The following CTNNA3 variants were observed in gnomAD, a reference collection of about 807,000 sequenced individuals.
CTNNA3 encodes catenin alpha-3.
Under a neutral mutation model 95.7 loss-of-function variants are expected in CTNNA3, and 76 were observed. The ratio of observed to expected loss-of-function variants is 0.79; its 90% confidence interval spans 0.66 to 0.96. CTNNA3 has a LOEUF of 0.96. CTNNA3 is among the 40% of genes least tolerant of loss of function. CTNNA3 has a pLI of 0.00. For missense variants in CTNNA3, 1,191 were observed against 1,089.8 expected (o/e 1.09, Z -1.31); for synonymous variants, 431 against 374.4 (o/e 1.15, Z -1.74).
At chr10:66,316,381 C>G (rs927399680) in intron 12 of CTNNA3, among the ~76,000 whole-genome samples, 1 of 152,046 alleles carries the variant, frequency 6.6e-6, no homozygotes, top group Non-Finnish European at 1.5e-5. Context: ...TTATTGTCTA[C>G]TTTATGAACT....
chr10:67,411,304 T>C (rs1845359040), intron 5 of CTNNA3, among the ~76,000 whole-genome samples: 1 of 152,136 alleles, frequency 6.6e-6, no homozygotes, highest in South Asian at 2.1e-4. Context: ...CATCATGTTG[T>C]ATGCCATAAA....
chr10:67,726,918 G>T (rs1446936459), intron 1 of CTNNA3, among the ~76,000 whole-genome samples: 1 of 108,256 alleles, frequency 9.2e-6, no homozygotes, highest in Non-Finnish European at 1.7e-5. Flanking sequence ...ATATACATAT[G>T]ATATAAATTA....
At chr10:66,471,655 A>C (rs955780195) in intron 11 of CTNNA3, among the ~76,000 whole-genome samples, 1 of 151,912 alleles carries the variant, frequency 6.6e-6, no homozygotes, top group Non-Finnish European at 1.5e-5. Context: ...AATTTAATTA[A>C]CAACATATGC....
At chr10:66,868,058 T>G (rs1202416591) in intron 7 of CTNNA3, among the ~76,000 whole-genome samples, 1 of 149,248 alleles carries the variant, frequency 6.7e-6, no homozygotes, top group Non-Finnish European at 1.5e-5. Flanking sequence ...TAATGATTGC[T>G]ATATAAAACT....
At chr10:67,074,769 A>G (rs1330231390) in intron 7 of CTNNA3, among the ~76,000 whole-genome samples, 1 of 152,224 alleles carries the variant, frequency 6.6e-6, no homozygotes, top group Non-Finnish European at 1.5e-5. Context: ...AGACATGTAT[A>G]TAAAACCACA....
At chr10:66,555,299 T>C (rs1219225403) in intron 10 of CTNNA3, among the ~76,000 whole-genome samples, 1 of 152,134 alleles carries the variant, frequency 6.6e-6, no homozygotes. Context: ...AAAAGTTCTG[T>C]TCATCCTCTC....
intron 12 of CTNNA3, among the ~76,000 whole-genome samples, chr10:66,376,678 T>C (rs2092798822): frequency 6.6e-6 from 1 of 152,162 alleles, no homozygotes; most frequent in African/African-American, 2.4e-5. Context: ...AACAATTCAC[T>C]ATAGCTCCTC....
chr10:67,387,446 CTG>C (rs1315617996), intron 5 of CTNNA3, among the ~76,000 whole-genome samples: 18 of 152,130 alleles, frequency 1.2e-4, no homozygotes, highest in African/African-American at 3.9e-4. Context: ...GCACGGCAGT[CTG>C]AGATCAAACT....
intron 5 of CTNNA3, among the ~76,000 whole-genome samples, chr10:67,486,526 A>G (rs1848454869): frequency 1.3e-5 from 2 of 152,014 alleles, no homozygotes; most frequent in South Asian, 4.2e-4. Flanking sequence ...CTTCCCTACC[A>G]TACTTTGGTA....
intron 5 of CTNNA3, among the ~76,000 whole-genome samples, chr10:67,245,904 G>C (rs543165090): frequency 1.5e-4 from 22 of 149,746 alleles, no homozygotes; most frequent in African/African-American, 5.1e-4. Context: ...CAACAGGGAA[G>C]ACAGATAAAG....
chr10:66,397,411 C>T (rs2132548309), intron 11 of CTNNA3, among the ~76,000 whole-genome samples: 1 of 151,768 alleles, frequency 6.6e-6, no homozygotes, highest in East Asian at 1.9e-4. Context: ...CTTAGTTCTT[C>T]CAGTATTGTT....
At chr10:67,359,389 T>C (rs542710088) in intron 5 of CTNNA3, among the ~76,000 whole-genome samples, 10 of 152,062 alleles carry the variant, frequency 6.6e-5, no homozygotes, top group African/African-American at 2.4e-4. Context: ...CCTAACTAGA[T>C]TAAAATGTGG....
At chr10:67,362,808 AAT>A (rs1377750566) in intron 5 of CTNNA3, among the ~76,000 whole-genome samples, 2 of 151,948 alleles carry the variant, frequency 1.3e-5, no homozygotes, top group Non-Finnish European at 2.9e-5. Flanking sequence ...AAAAAAAAAA[AAT>A]CAAACTCTCT....
At chr10:67,464,499 A>G (rs924993062) in intron 5 of CTNNA3, among the ~76,000 whole-genome samples, 1 of 152,142 alleles carries the variant, frequency 6.6e-6, no homozygotes, top group African/African-American at 2.4e-5. Flanking sequence ...ATGTCATTTT[A>G]TTGGAAGAGC....
chr10:66,953,267 T>C (rs1279382171), intron 7 of CTNNA3, among the ~76,000 whole-genome samples: 2 of 152,288 alleles, frequency 1.3e-5, no homozygotes, highest in East Asian at 3.9e-4. Flanking sequence ...AAAGTAATTC[T>C]TATGAAGAAG....
intron 5 of CTNNA3, among the ~76,000 whole-genome samples, chr10:67,420,403 T>C (rs1462104771): frequency 6.6e-6 from 1 of 152,222 alleles, no homozygotes; most frequent in African/African-American, 2.4e-5. Flanking sequence ...AGACAATTTA[T>C]TATGATCCTG....
chr10:66,913,015 G>A (rs1589415406), intron 7 of CTNNA3, among the ~76,000 whole-genome samples: 2 of 151,822 alleles, frequency 1.3e-5, no homozygotes, highest in African/African-American at 2.4e-5. Context: ...CGAGGCGGGC[G>A]GATCACGAGG....
chr10:67,322,115 G>GA (rs11415843), intron 5 of CTNNA3, among the ~76,000 whole-genome samples: 105,252 of 150,612 alleles, frequency 0.7, 41,081 homozygotes, highest in Non-Finnish European at 0.88. Flanking sequence ...GCTTATACTT[G>GA]AAAAAAAAAG....
intron 11 of CTNNA3, among the ~76,000 whole-genome samples, chr10:66,407,259 T>C (rs1183135933): frequency 6.6e-6 from 1 of 150,792 alleles, no homozygotes; most frequent in African/African-American, 2.5e-5. Context: ...ATTTTTATTA[T>C]GTACTCTCAA....
Sources: gnomAD v4.1 joint callset for allele counts (sites outside exome capture counted in the v4.1 genomes callset) on GRCh38, gnomAD v4.1.1 for gene constraint, MANE v1.5 for transcripts, NCBI Gene and HGNC (gene_info 2026-07-23, HGNC 2026-07-21) for gene names.